The following FMNL2 variants were observed in gnomAD, a reference collection of about 807,000 sequenced individuals.
FMNL2 encodes formin-like protein 2.
A neutral mutation model predicts 130.2 loss-of-function variants in FMNL2; 51 were observed. The observed-to-expected ratio is 0.39, with a 90% CI of 0.31 to 0.49. FMNL2 has a LOEUF of 0.49. FMNL2 is among the 20% of genes least tolerant of loss of function. The pLI is 0.85. For synonymous variants in FMNL2, 465 were observed against 467.1 expected, an observed-to-expected ratio of 1.00 and a Z score of 0.06; for missense variants, 977 against 1,316.2, an observed-to-expected ratio of 0.74 and a Z score of 3.99.
chr2:152,598,163 C>G (rs904597528), intron 9 of FMNL2, among the ~76,000 whole-genome samples: 1 of 152,200 alleles, frequency 6.6e-6, no homozygotes, highest in African/African-American at 2.4e-5. Context: ...GCTCTAGCCA[C>G]GTGCTCTTGC....
At chr2:152,566,367 C>G (rs1368989790) in intron 6 of FMNL2, among the ~76,000 whole-genome samples, 1 of 152,174 alleles carries the variant, frequency 6.6e-6, no homozygotes, top group Admixed American at 6.5e-5. Flanking sequence ...CTAAGGGCCT[C>G]GGGGGATTTG....
At chr2:152,573,815 A>AT (rs780762982) in intron 6 of FMNL2, among the ~76,000 whole-genome samples, 11 of 152,096 alleles carry the variant, frequency 7.2e-5, no homozygotes, top group African/African-American at 1.7e-4. Flanking sequence ...CAAGTTTCTC[A>AT]TTTTTTTATT....
intron 1 of FMNL2, among the ~76,000 whole-genome samples, chr2:152,445,327 C>G (rs71417226): frequency 0.014 from 2,073 of 152,276 alleles, 34 homozygotes; most frequent in East Asian, 0.065. Flanking sequence ...GTAAGAATCT[C>G]ACTTTTGGTG....
intron 1 of FMNL2, among the ~76,000 whole-genome samples, chr2:152,495,554 G>A (rs944312958): frequency 1.4e-5 from 2 of 145,360 alleles, no homozygotes; most frequent in South Asian, 4.4e-4. Context: ...GGAGGCTGAG[G>A]CACGAAAATC....
chr2:152,502,586 C>T (rs1270582337), intron 1 of FMNL2, among the ~76,000 whole-genome samples: 1 of 152,156 alleles, frequency 6.6e-6, no homozygotes, highest in East Asian at 1.9e-4. Flanking sequence ...ACTCAGGAGG[C>T]TGAGGCACGA....
chr2:152,644,390 G>GA (rs1683359173), intron 25 of FMNL2, among the ~76,000 whole-genome samples: 1 of 152,154 alleles, frequency 6.6e-6, no homozygotes, highest in South Asian at 2.1e-4. Context: ...CTTGCAGAAG[G>GA]AACTGTGAAC....
chr2:152,348,919 C>T (rs991649163), intron 1 of FMNL2, among the ~76,000 whole-genome samples: 1 of 123,838 alleles, frequency 8.1e-6, no homozygotes, highest in Non-Finnish European at 1.7e-5. Flanking sequence ...ACTGCAAGCT[C>T]CGCTTCCCGG....
intron 24 of FMNL2, among the ~76,000 whole-genome samples, chr2:152,640,525 C>T (rs985551777): frequency 6.6e-6 from 1 of 152,222 alleles, no homozygotes. Context: ...CAGTTTAAGA[C>T]ATCTATGGTC....
At chr2:152,414,066 G>C (rs1686467825) in intron 1 of FMNL2, among the ~76,000 whole-genome samples, 1 of 151,988 alleles carries the variant, frequency 6.6e-6, no homozygotes, top group Non-Finnish European at 1.5e-5. Flanking sequence ...TATGTTTGCT[G>C]TCTTACAGTT....
chr2:152,624,496 A>G (rs906357639), intron 15 of FMNL2, among the ~76,000 whole-genome samples: 11 of 151,218 alleles, frequency 7.3e-5, no homozygotes, highest in Admixed American at 1.3e-4. Context: ...TTTATTTTTA[A>G]GACAGAGTCT....
chr2:152,640,209 C>G (rs1364492039), intron 24 of FMNL2, among the ~76,000 whole-genome samples, 153 bp downstream of exon 24: 1 of 152,168 alleles, frequency 6.6e-6, no homozygotes, highest in South Asian at 2.1e-4. Context: ...GAAATATGCT[C>G]ATTGATTACT....
At chr2:152,625,378 G>A in intron 15 of FMNL2, 60 bp from the exon 16 acceptor site, 4 of 1,558,062 alleles carry the variant, frequency 2.6e-6, no homozygotes, top group Non-Finnish European at 3.5e-6. Flanking sequence ...TTGTCTGATT[G>A]TTCCTGAGGG....
intron 9 of FMNL2, among the ~76,000 whole-genome samples, chr2:152,603,509 T>C (rs980938849): frequency 2.7e-5 from 4 of 145,620 alleles, no homozygotes; most frequent in Admixed American, 2.1e-4. Context: ...GAAACACATA[T>C]ATTCAAGGCT....
chr2:152,643,142 A>G (rs897418844), intron 25 of FMNL2, among the ~76,000 whole-genome samples: 2 of 152,206 alleles, frequency 1.3e-5, no homozygotes, highest in African/African-American at 4.8e-5. Flanking sequence ...CTAAGTCATT[A>G]ATCTACTAGA....
chr2:152,373,615 A>C (rs1684005894), intron 1 of FMNL2, among the ~76,000 whole-genome samples: 2 of 152,212 alleles, frequency 1.3e-5, no homozygotes, highest in Non-Finnish European at 2.9e-5. Flanking sequence ...ATTATCTATA[A>C]TTCCTAACGC....
At chr2:152,336,343 G>T (rs984194386) in intron 1 of FMNL2, among the ~76,000 whole-genome samples, 5 of 152,176 alleles carry the variant, frequency 3.3e-5, no homozygotes, top group Admixed American at 2.6e-4. Flanking sequence ...AGGAGCAGGG[G>T]CATCTGAAAC....
intron 6 of FMNL2, among the ~76,000 whole-genome samples, chr2:152,565,953 A>AT (rs1398045554): frequency 6.6e-6 from 1 of 151,532 alleles, no homozygotes; most frequent in Non-Finnish European, 1.5e-5. Flanking sequence ...CTAATTTTTA[A>AT]TTTTTTCTGT....
chr2:152,431,965 TAAAAAA>T (rs60639670), intron 1 of FMNL2, among the ~76,000 whole-genome samples: 1 of 82,174 alleles, frequency 1.2e-5, no homozygotes, highest in African/African-American at 6.4e-5. Flanking sequence ...ACCCTATCTT[TAAAAAA>T]AAAAAAAAAA....
At chr2:152,489,633 T>C (rs191878874) in intron 1 of FMNL2, among the ~76,000 whole-genome samples, 81 of 152,338 alleles carry the variant, frequency 5.3e-4, no homozygotes, top group African/African-American at 1.8e-3. Context: ...AGCAAAAGGC[T>C]TGGAGGAGGC....
Sources: allele counts gnomAD v4.1 joint callset (sites outside exome capture counted in the v4.1 genomes callset), GRCh38; gene constraint gnomAD v4.1.1; transcripts MANE v1.5; gene names NCBI Gene and HGNC (gene_info 2026-07-23, HGNC 2026-07-21).